The following ADAM12 variants were observed in gnomAD, a reference collection of about 807,000 sequenced individuals.
ADAM12 encodes disintegrin and metalloproteinase domain-containing protein 12.
Under a neutral mutation model 106.4 loss-of-function variants are expected in ADAM12, and 70 were observed. That is an observed-to-expected ratio of 0.66 (90% confidence interval 0.54 to 0.80). The LOEUF (loss-of-function observed/expected upper bound fraction) is 0.80, where lower values mean the gene tolerates loss of function less well. ADAM12 is among the 30% of genes least tolerant of loss of function. The pLI, the probability that ADAM12 is intolerant of heterozygous loss-of-function variation, is 0.00. For synonymous variants in ADAM12, 420 were observed against 433.5 expected (o/e 0.97, Z 0.39); for missense variants, 1,010 against 1,171.9 (o/e 0.86, Z 2.02).
In ADAM12 at chr10:126,030,855, CATT is replaced by C. The variant is rs1384145379; in HGVS notation, c.2529+5288_2529+5290del. Among the ~76,000 whole-genome samples, 5 of 152,252 alleles carry C rather than the reference CATT, an allele frequency of 3.3e-5. No homozygotes were observed. In the East Asian group the frequency reaches 7.7e-4, roughly 24 times the overall value. ...TTTACAGGGGGAATGGACTCATTGT[CATT>C]AATCCGTAACTGAGTGTGATGGCGC... On this transcript the variant is annotated intron_variant, in intron 21 of 22. Coordinates refer to ENST00000448723, the MANE Select transcript of ADAM12 (RefSeq NM_001288973.2).
At chr10:126,176,364 G>T (rs1219520600) in intron 3 of ADAM12, among the ~76,000 whole-genome samples, 1 of 152,228 alleles carries the variant, frequency 6.6e-6, no homozygotes, top group Non-Finnish European at 1.5e-5. Context: ...ATCCTTCAGG[G>T]TGGGATGCGT....
intron 2 of ADAM12, among the ~76,000 whole-genome samples, chr10:126,311,861 G>C (rs1357227835): frequency 6.6e-6 from 1 of 152,030 alleles, no homozygotes; most frequent in African/African-American, 2.4e-5. Context: ...TAATAAAGTA[G>C]CAAGACTAAG....
intron 5 of ADAM12, among the ~76,000 whole-genome samples, chr10:126,129,726 T>A (rs1565080929): frequency 6.6e-6 from 1 of 152,230 alleles, no homozygotes. Context: ...CAACTTCACA[T>A]TCGACTTGGA....
intron 2 of ADAM12, among the ~76,000 whole-genome samples, chr10:126,326,204 A>ATTT (rs5788782): frequency 1.4e-5 from 2 of 147,256 alleles, no homozygotes; most frequent in Non-Finnish European, 3.0e-5. Context: ...ACCGGGGAGT[A>ATTT]TTTTTTTTTT....
chr10:126,186,478 C>A (rs1957401170), intron 3 of ADAM12, among the ~76,000 whole-genome samples: 10 of 152,178 alleles, frequency 6.6e-5, no homozygotes, highest in Admixed American at 5.9e-4. Flanking sequence ...GCATCTGAGT[C>A]CCAGGGAAAA....
chr10:126,356,014 A>AT (rs1285111140), intron 1 of ADAM12, among the ~76,000 whole-genome samples: 2 of 152,196 alleles, frequency 1.3e-5, no homozygotes, highest in East Asian at 1.9e-4. Flanking sequence ...ACGACTACAC[A>AT]TTTTGGTAAA....
At chr10:126,274,133 T>C (rs1266420557) in intron 3 of ADAM12, among the ~76,000 whole-genome samples, 2 of 152,168 alleles carry the variant, frequency 1.3e-5, no homozygotes, top group Non-Finnish European at 2.9e-5. Context: ...GGAGTGCTCA[T>C]CGATGCCTAT....
intron 8 of ADAM12, among the ~76,000 whole-genome samples, chr10:126,102,464 A>G (rs1282748368): frequency 1.3e-5 from 2 of 152,234 alleles, no homozygotes; most frequent in African/African-American, 2.4e-5. Flanking sequence ...CTAGTTAGGC[A>G]CCATTCCAAC....
At chr10:126,174,015 T>G (rs1957171316) in intron 3 of ADAM12, among the ~76,000 whole-genome samples, 2 of 97,186 alleles carry the variant, frequency 2.1e-5, no homozygotes, top group South Asian at 7.9e-4. Flanking sequence ...TTGATTTTTT[T>G]TTTTTTTTTT....
chr10:126,351,626 T>G (rs1422028684), intron 1 of ADAM12, among the ~76,000 whole-genome samples: 1 of 152,102 alleles, frequency 6.6e-6, no homozygotes, highest in East Asian at 1.9e-4. Context: ...ACATGCTGAA[T>G]AGATGTGATA....
intron 5 of ADAM12, among the ~76,000 whole-genome samples, chr10:126,132,975 AC>A (rs1007411865): frequency 6.6e-6 from 1 of 151,740 alleles, no homozygotes; most frequent in African/African-American, 2.4e-5. Flanking sequence ...TCCTCTACTG[AC>A]CCTATCCCCA....
intron 5 of ADAM12, among the ~76,000 whole-genome samples, chr10:126,125,228 C>CTT (rs1554972618): frequency 6.9e-6 from 1 of 145,448 alleles, no homozygotes; most frequent in African/African-American, 2.5e-5. Context: ...GTATTACTTC[C>CTT]TTTTTTTTTT....
chr10:126,217,164 A>AGG (rs1958002209), intron 3 of ADAM12, among the ~76,000 whole-genome samples: 1 of 152,218 alleles, frequency 6.6e-6, no homozygotes, highest in East Asian at 1.9e-4. Context: ...TATAATAATC[A>AGG]CTATAAAAGG....
intron 21 of ADAM12, among the ~76,000 whole-genome samples, chr10:126,034,697 A>C (rs1954027737): frequency 6.6e-6 from 1 of 152,182 alleles, no homozygotes; most frequent in African/African-American, 2.4e-5. Context: ...TAGGTATGTT[A>C]AAAGGATGGA....
intron 3 of ADAM12, among the ~76,000 whole-genome samples, chr10:126,264,717 G>GTTGTTTTTTTGTTTT (rs1959064524): frequency 6.6e-6 from 1 of 152,062 alleles, no homozygotes; most frequent in Non-Finnish European, 1.5e-5. Flanking sequence ...TGAATGAAAC[G>GTTGTTTTTTTGTTTT]TTGTTTTTTT....
At chr10:126,350,983 C>A (rs374307906) in intron 1 of ADAM12, among the ~76,000 whole-genome samples, 1 of 152,196 alleles carries the variant, frequency 6.6e-6, no homozygotes, top group South Asian at 2.1e-4. Flanking sequence ...TGCTGGTCTT[C>A]CATCAGTCTG....
At chr10:126,071,748 T>A in intron 11 of ADAM12, 94 bp from the exon 12 acceptor site, 1 of 1,374,394 alleles carries the variant, frequency 7.3e-7, no homozygotes, top group South Asian at 1.3e-5. Context: ...ACTGGCCACA[T>A]CTGCCCAGGT....
At chr10:126,298,812 C>A (rs1960489981) in intron 2 of ADAM12, among the ~76,000 whole-genome samples, 1 of 151,940 alleles carries the variant, frequency 6.6e-6, no homozygotes, top group Non-Finnish European at 1.5e-5. Context: ...ACAAATGACA[C>A]CACAGAAGAC....
chr10:126,178,506 T>C (rs1467461362), intron 3 of ADAM12, among the ~76,000 whole-genome samples: 2 of 150,288 alleles, frequency 1.3e-5, no homozygotes, highest in Non-Finnish European at 3.0e-5. Flanking sequence ...CTCTTTCATA[T>C]AAAAGAGCAA....
Sources: gnomAD v4.1 joint callset for allele counts (sites outside exome capture counted in the v4.1 genomes callset) on GRCh38, gnomAD v4.1.1 for gene constraint, MANE v1.5 for transcripts, NCBI Gene and HGNC (gene_info 2026-07-23, HGNC 2026-07-21) for gene names.